The following SAMD5 variants were observed in gnomAD, a reference collection of about 807,000 sequenced individuals.
The protein encoded by SAMD5 is sterile alpha motif domain-containing protein 5.
A neutral mutation model predicts 11.3 loss-of-function variants in SAMD5; 13 were observed. The ratio of observed to expected loss-of-function variants is 1.15; its 90% CI spans 0.75 to 1.83. The LOEUF (loss-of-function observed/expected upper bound fraction) is 1.83. Ranked by LOEUF, SAMD5 falls within the 40% of genes most tolerant of loss-of-function variation. SAMD5 has a pLI of 0.00. For synonymous variants in SAMD5, 129 were observed against 111.3 expected, an observed-to-expected ratio of 1.16 and a Z score of -1.00; for missense variants, 255 against 239.1, an observed-to-expected ratio of 1.07 and a Z score of -0.44.
At chr6:147,555,400 A>C (rs1053979290) in intron 1 of SAMD5, among the ~76,000 whole-genome samples, 1 of 152,224 alleles carries the variant, frequency 6.6e-6, no homozygotes, top group Non-Finnish European at 1.5e-5. Context: ...TGAACCTAAT[A>C]TTTCAAGAAG....
At chr6:147,678,536 C>T (rs1390035924) in intron 1 of SAMD5, among the ~76,000 whole-genome samples, 2 of 151,276 alleles carry the variant, frequency 1.3e-5, no homozygotes, top group African/African-American at 2.4e-5. Context: ...CTTTTTAGGG[C>T]TTTTCTTAAG....
chr6:147,838,535 C>CT, the SAMD5 span, among the ~76,000 whole-genome samples: 1 of 142,892 alleles, frequency 7.0e-6, no homozygotes, highest in African/African-American at 2.6e-5. Flanking sequence ...TATCCTGCCC[C>CT]CCCCCCGTAG....
chr6:147,574,202 A>G (rs1398600834), downstream of SAMD5, among the ~76,000 whole-genome samples: 1 of 152,032 alleles, frequency 6.6e-6, no homozygotes, highest in Admixed American at 6.6e-5. Flanking sequence ...GGTTGCCAAC[A>G]CTAAAAAAAA....
chr6:147,794,257 T>A, the SAMD5 span, among the ~76,000 whole-genome samples: 1 of 152,180 alleles, frequency 6.6e-6, no homozygotes, highest in Non-Finnish European at 1.5e-5. Context: ...GTTGGGAGAG[T>A]TAAATTGGTG....
the SAMD5 span, among the ~76,000 whole-genome samples, chr6:147,947,048 C>A: frequency 6.6e-6 from 1 of 151,300 alleles, no homozygotes; most frequent in African/African-American, 2.5e-5. Flanking sequence ...GTCTCGTTTA[C>A]GGGGCAAATC....
chr6:147,830,525 G>A, the SAMD5 span, among the ~76,000 whole-genome samples: 1 of 151,678 alleles, frequency 6.6e-6, no homozygotes, highest in Admixed American at 6.6e-5. Flanking sequence ...CAAAGTGCTG[G>A]GATTACAGGT....
the SAMD5 span, among the ~76,000 whole-genome samples, chr6:147,897,670 C>T: frequency 1.3e-5 from 2 of 152,082 alleles, no homozygotes; most frequent in African/African-American, 2.4e-5. Context: ...CCAGACCAGG[C>T]GCAGGGGCTC....
intron 1 of SAMD5, among the ~76,000 whole-genome samples, chr6:147,727,837 A>C (rs74989382): frequency 0.023 from 3,565 of 152,268 alleles, 139 homozygotes; most frequent in African/African-American, 0.081. Flanking sequence ...TTTGTCCCAG[A>C]GTAGTCAATG....
At chr6:147,811,876 A>G in the SAMD5 span, among the ~76,000 whole-genome samples, 1 of 152,216 alleles carries the variant, frequency 6.6e-6, no homozygotes, top group East Asian at 1.9e-4. Context: ...GGGGCATGCA[A>G]CAAACATCTC....
chr6:147,761,131 T>C, the SAMD5 span, among the ~76,000 whole-genome samples: 2 of 152,308 alleles, frequency 1.3e-5, no homozygotes, highest in African/African-American at 4.8e-5. Context: ...TTAGAGCTTT[T>C]ACTTTGTATC....
intron 1 of SAMD5, among the ~76,000 whole-genome samples, chr6:147,602,971 T>C (rs1789646000): frequency 6.6e-6 from 1 of 152,190 alleles, no homozygotes; most frequent in Admixed American, 6.5e-5. Flanking sequence ...TATTTGAAGT[T>C]GATAAGAATC....
chr6:147,946,273 G>A, the SAMD5 span, among the ~76,000 whole-genome samples: 1 of 152,100 alleles, frequency 6.6e-6, no homozygotes, highest in African/African-American at 2.4e-5. Context: ...TGATGTGTGG[G>A]TAGGCATCCT....
chr6:147,716,898 T>G (rs535169776), intron 1 of SAMD5, among the ~76,000 whole-genome samples: 1 of 152,368 alleles, frequency 6.6e-6, no homozygotes, highest in East Asian at 1.9e-4. Context: ...ACACCACCTG[T>G]GACTACGATG....
chr6:147,528,205 A>C (rs918000618), intron 1 of SAMD5, among the ~76,000 whole-genome samples: 1 of 152,204 alleles, frequency 6.6e-6, no homozygotes, highest in Non-Finnish European at 1.5e-5. Flanking sequence ...TAAACCAGCA[A>C]GGGTTAAGCA....
the SAMD5 span, among the ~76,000 whole-genome samples, chr6:147,759,118 T>C: frequency 6.6e-6 from 1 of 152,242 alleles, no homozygotes; most frequent in African/African-American, 2.4e-5. Flanking sequence ...TGTTGTGTTC[T>C]GTTTACATAT....
intron 1 of SAMD5, among the ~76,000 whole-genome samples, chr6:147,526,746 C>T (rs1413952308): frequency 1.3e-5 from 2 of 152,170 alleles, no homozygotes; most frequent in Non-Finnish European, 2.9e-5. Flanking sequence ...ACAGCATTAG[C>T]AAAATCTCAG....
At chr6:147,595,200 T>C (rs1789511411) in intron 1 of SAMD5, among the ~76,000 whole-genome samples, 1 of 152,190 alleles carries the variant, frequency 6.6e-6, no homozygotes, top group Non-Finnish European at 1.5e-5. Context: ...GCCTGATACA[T>C]TTGGAATGTT....
At chr6:147,901,298 G>A in the SAMD5 span, among the ~76,000 whole-genome samples, 1 of 152,158 alleles carries the variant, frequency 6.6e-6, no homozygotes, top group East Asian at 1.9e-4. Context: ...TATACAGTAG[G>A]ATAGTTAATT....
chr6:147,677,559 A>G (rs1790880181), intron 1 of SAMD5, among the ~76,000 whole-genome samples: 1 of 152,158 alleles, frequency 6.6e-6, no homozygotes, highest in African/African-American at 2.4e-5. Flanking sequence ...TGAGTTGAGT[A>G]TCTAACACAG....
Sources: gnomAD v4.1 joint callset for allele counts (sites outside exome capture counted in the v4.1 genomes callset) on GRCh38, gnomAD v4.1.1 for gene constraint, MANE v1.5 for transcripts, NCBI Gene and HGNC (gene_info 2026-07-23, HGNC 2026-07-21) for gene names.